The following FGFR2 variants were observed in gnomAD, a reference collection of about 807,000 sequenced individuals.
FGFR2 encodes BEK fibroblast growth factor receptor.
In FGFR2, 19 loss-of-function variants were observed where a neutral mutation model predicts 95.9. The ratio of observed to expected loss-of-function variants is 0.20; its 90% CI spans 0.14 to 0.29. The LOEUF is 0.29. Ranked by LOEUF, FGFR2 falls within the 10% of genes least tolerant of loss-of-function variation. FGFR2 has a pLI of 1.00. For synonymous variants in FGFR2, 392 were observed against 393.3 expected (o/e 1.00, Z 0.04); for missense variants, 707 against 1,056.9 (o/e 0.67, Z 4.59).
At chr10:121,520,588 T>C (rs942184298) in intron 6 of FGFR2, among the ~76,000 whole-genome samples, 1 of 152,192 alleles carries the variant, frequency 6.6e-6, no homozygotes, top group African/African-American at 2.4e-5. Flanking sequence ...CAAGACTAAC[T>C]TTAAAGACAC....
intron 5 of FGFR2, among the ~76,000 whole-genome samples, chr10:121,546,083 G>C (rs771365229): frequency 1.3e-5 from 2 of 151,248 alleles, no homozygotes; most frequent in African/African-American, 2.4e-5. Flanking sequence ...GAATTGAGGT[G>C]GTCTATTAAT....
intron 4 of FGFR2, among the ~76,000 whole-genome samples, chr10:121,557,857 C>G (rs1175505272): frequency 6.6e-6 from 1 of 152,156 alleles, no homozygotes; most frequent in Non-Finnish European, 1.5e-5. Context: ...CTCAGGCTAA[C>G]TACCTTCATT....
intron 2 of FGFR2, among the ~76,000 whole-genome samples, chr10:121,567,221 G>T (rs1372107333): frequency 6.6e-6 from 1 of 152,120 alleles, no homozygotes; most frequent in Non-Finnish European, 1.5e-5. Flanking sequence ...TTGGGGACAA[G>T]AAATCCCCCT....
chr10:121,545,190 A>T (rs1019416613), intron 5 of FGFR2, among the ~76,000 whole-genome samples: 1 of 152,214 alleles, frequency 6.6e-6, no homozygotes, highest in Non-Finnish European at 1.5e-5. Flanking sequence ...AGTTGAAAGA[A>T]CAGCATCATA....
intron 2 of FGFR2, among the ~76,000 whole-genome samples, chr10:121,568,227 G>C (rs1857998248): frequency 6.6e-6 from 1 of 152,148 alleles, no homozygotes; most frequent in Non-Finnish European, 1.5e-5. Context: ...GAGAGCTGAA[G>C]GGGCCCCAAA....
intron 1 of FGFR2, among the ~76,000 whole-genome samples, chr10:121,597,617 G>A (rs956600245): frequency 7.9e-5 from 12 of 152,378 alleles, no homozygotes; most frequent in Non-Finnish European, 1.3e-4. Context: ...TGTGCCACGG[G>A]CAGGCGAACC....
At chr10:121,584,200 T>C (rs997825299) in intron 2 of FGFR2, among the ~76,000 whole-genome samples, 2 of 151,952 alleles carry the variant, frequency 1.3e-5, no homozygotes, top group African/African-American at 4.8e-5. Flanking sequence ...ACAATTTCCT[T>C]GAGCTCCCTT....
intron 2 of FGFR2, among the ~76,000 whole-genome samples, chr10:121,586,686 G>A (rs2135415601): frequency 6.6e-6 from 1 of 152,322 alleles, no homozygotes; most frequent in Non-Finnish European, 1.5e-5. Context: ...ACTCTTCAAG[G>A]ATGGCCATGG....
chr10:121,502,552 G>A (rs1460334835), intron 10 of FGFR2, among the ~76,000 whole-genome samples: 1 of 152,174 alleles, frequency 6.6e-6, no homozygotes, highest in Non-Finnish European at 1.5e-5. Flanking sequence ...AATCAGAAGT[G>A]CCAGCCACAT....
intron 1 of FGFR2, among the ~76,000 whole-genome samples, chr10:121,595,944 G>C (rs1863373763): frequency 6.6e-6 from 1 of 152,220 alleles, no homozygotes; most frequent in Non-Finnish European, 1.5e-5. Flanking sequence ...GGAAGGCGGA[G>C]ACCTAAGGCG....
chr10:121,519,912 G>A (rs2134304325), intron 7 of FGFR2, 67 bp downstream of exon 7: 7 of 1,490,290 alleles, frequency 4.7e-6, no homozygotes, highest in Non-Finnish European at 4.7e-6. Flanking sequence ...GGAAATCAAA[G>A]AACCTGTGGC....
intron 9 of FGFR2, among the ~76,000 whole-genome samples, chr10:121,509,390 A>G (rs1264559289): frequency 6.7e-6 from 1 of 148,790 alleles, no homozygotes; most frequent in African/African-American, 2.5e-5. Flanking sequence ...GTACATTTCC[A>G]TAGTACATAT....
Position 121,479,525 on chromosome 10 carries a change from T to C in FGFR2, c.*332A>G. ...CTGTAAGTGTGTGCTGACATAAATC[T>C]TCTCCAATTATTACAAAATTAACAA... On this transcript the variant is annotated 3_prime_UTR_variant, in exon 18 of 18. Transcript: ENST00000358487. 7.0e-7 allele frequency: 1 copy of C among 1,434,176 alleles called. No individual in the cohort carries two copies. Among genetic ancestry groups the C allele is most frequent in the Non-Finnish European group, 9.5e-7 (1 of 1,050,876 alleles). The allele number at this position is 1,434,176 out of a possible 1,614,324, so 88.8% of individuals were successfully genotyped here. A position where few individuals can be genotyped will look rare whatever the true frequency, so the allele number is the denominator to read the frequency against.
intron 14 of FGFR2, 121 bp from the exon 15 acceptor site, chr10:121,487,545 A>G: frequency 1.3e-6 from 1 of 793,562 alleles, no homozygotes; most frequent in African/African-American, 1.7e-5. Flanking sequence ...GTCAGTCAAT[A>G]GAGCAGAAAT....
intron 13 of FGFR2, among the ~76,000 whole-genome samples, chr10:121,494,111 G>A (rs1405994067): frequency 6.6e-6 from 1 of 151,902 alleles, no homozygotes; most frequent in Non-Finnish European, 1.5e-5. Flanking sequence ...AGCAGTGAGA[G>A]GCATTTTTGA....
intron 2 of FGFR2, among the ~76,000 whole-genome samples, chr10:121,586,739 T>C (rs1861886507): frequency 6.6e-6 from 1 of 152,168 alleles, no homozygotes; most frequent in Non-Finnish European, 1.5e-5. Context: ...ATTTAAATGG[T>C]AAGAGCTTGA....
intron 2 of FGFR2, among the ~76,000 whole-genome samples, chr10:121,593,030 C>A (rs1283034729): frequency 6.6e-6 from 1 of 152,126 alleles, no homozygotes; most frequent in South Asian, 2.1e-4. Context: ...GGACTTACAC[C>A]TTGAAAATTA....
rs545674262 is a variant in FGFR2 at position 121,551,279 on chromosome 10, C to T, written c.624+11G>A. 2 of 1,613,930 alleles carry T rather than the reference C, an allele frequency of 1.2e-6. No homozygotes were observed. The highest frequency in any genetic ancestry group is 1.1e-5 in the South Asian group (1 of 91,082). Reference sequence around the variant, plus strand: ...TGTAAGAAATGTGATGTTCTGAAAGCTTAATTCTACCTTGTAGCCTCCAAT... The same window carrying T: ...TGTAAGAAATGTGATGTTCTGAAAGTTTAATTCTACCTTGTAGCCTCCAAT... On this transcript the variant is annotated intron_variant, in intron 5 of 17. Coordinates refer to ENST00000358487, the MANE Select transcript of FGFR2 (RefSeq NM_000141.5).
At chr10:121,578,389 T>C (rs1437476214) in intron 2 of FGFR2, among the ~76,000 whole-genome samples, 1 of 152,026 alleles carries the variant, frequency 6.6e-6, no homozygotes, top group Non-Finnish European at 1.5e-5. Flanking sequence ...TTCCAACAGC[T>C]CCTCCGTGAA....
Sources: gnomAD v4.1 joint callset for allele counts (sites outside exome capture counted in the v4.1 genomes callset) on GRCh38, gnomAD v4.1.1 for gene constraint, MANE v1.5 for transcripts, NCBI Gene and HGNC (gene_info 2026-07-23, HGNC 2026-07-21) for gene names.